Variants in VWA3B observed in about 807,000 individuals in gnomAD.
VWA3B encodes von Willebrand factor A domain-containing protein 3B.
A neutral mutation model predicts 158.3 loss-of-function variants in VWA3B; 138 were observed. The observed-to-expected ratio is 0.87, with a 90% CI of 0.76 to 1.00. VWA3B has a LOEUF of 1.00. VWA3B is among the 50% of genes least tolerant of loss of function. The pLI, the probability that VWA3B is intolerant of heterozygous loss-of-function variation, is 0.00. For missense variants in VWA3B, 1,555 were observed against 1,565.1 expected (o/e 0.99, Z 0.11); for synonymous variants, 596 against 587.3 (o/e 1.01, Z -0.21).
At chr2:98,198,852 C>G (rs557483374) in intron 12 of VWA3B, among the ~76,000 whole-genome samples, 2 of 152,010 alleles carry the variant, frequency 1.3e-5, no homozygotes, top group Non-Finnish European at 2.9e-5. Flanking sequence ...TTTGGGAGGC[C>G]GAGGCAGGCG....
chr2:98,228,140 A>T (rs1049705809), intron 14 of VWA3B, 62 bp from the exon 15 acceptor site: 3 of 1,509,416 alleles, frequency 2.0e-6, no homozygotes, highest in East Asian at 4.6e-5. Flanking sequence ...GAAAAGAAAC[A>T]TGTTTGGAAT....
At chr2:98,281,036 A>G (rs1195837301) in intron 22 of VWA3B, among the ~76,000 whole-genome samples, 6 of 152,202 alleles carry the variant, frequency 3.9e-5, no homozygotes, top group Non-Finnish European at 8.8e-5. Context: ...TTCGTTTGCC[A>G]TGGGCCACTC....
At chr2:98,155,056 T>C (rs1677943443) in intron 7 of VWA3B, among the ~76,000 whole-genome samples, 1 of 152,192 alleles carries the variant, frequency 6.6e-6, no homozygotes, top group African/African-American at 2.4e-5. Context: ...CACGGTTTAA[T>C]GAAGAAGACA....
intron 2 of VWA3B, among the ~76,000 whole-genome samples, chr2:98,103,071 G>A (rs1683196677): frequency 6.6e-6 from 1 of 152,108 alleles, no homozygotes; most frequent in Non-Finnish European, 1.5e-5. Flanking sequence ...GCCTTTTAAT[G>A]CATGTAGGAT....
intron 7 of VWA3B, among the ~76,000 whole-genome samples, chr2:98,149,172 G>A (rs1429239082): frequency 5.3e-5 from 8 of 152,198 alleles, no homozygotes. Context: ...AGCTGTATCA[G>A]CAGTTTGCTT....
intron 7 of VWA3B, among the ~76,000 whole-genome samples, chr2:98,143,850 A>G (rs1009859211): frequency 6.7e-6 from 1 of 149,756 alleles, no homozygotes; most frequent in Admixed American, 6.7e-5. Flanking sequence ...TCCTTTGCTC[A>G]AGCAATCCTC....
At chr2:98,314,401 G>A (rs1691044855), downstream of VWA3B, among the ~76,000 whole-genome samples, 1 of 152,166 alleles carries the variant, frequency 6.6e-6, no homozygotes, top group African/African-American at 2.4e-5. Context: ...ACACAGGGCT[G>A]GGAATATTTC....
chr2:98,279,499 C>T (rs1439861659), intron 22 of VWA3B, among the ~76,000 whole-genome samples: 3 of 152,146 alleles, frequency 2.0e-5, no homozygotes, highest in African/African-American at 7.2e-5. Flanking sequence ...AGGAAGAAAA[C>T]GGAGTGTAGA....
At chr2:98,291,864 C>T (rs568325677) in intron 23 of VWA3B, 2 of 151,768 alleles carry the variant, frequency 1.3e-5, no homozygotes, top group East Asian at 1.9e-4. Context: ...GACATAACCA[C>T]AGAAGTCATC....
chr2:98,182,187 C>G (rs901584757), intron 9 of VWA3B, among the ~76,000 whole-genome samples: 6 of 152,220 alleles, frequency 3.9e-5, no homozygotes, highest in Admixed American at 1.3e-4. Flanking sequence ...TCAAGGCCCC[C>G]CCCTCAAATG....
At chr2:98,310,121 TA>T (rs1374502369) in intron 26 of VWA3B, among the ~76,000 whole-genome samples, 1 of 152,228 alleles carries the variant, frequency 6.6e-6, no homozygotes. Context: ...GCTGAAAGTC[TA>T]AGACCCCCCA....
At chr2:98,092,814 T>TTGTATGTA (rs1244816104) in intron 1 of VWA3B, among the ~76,000 whole-genome samples, 2 of 84,964 alleles carry the variant, frequency 2.4e-5, no homozygotes, top group African/African-American at 4.4e-5. Context: ...CTAGATGTTT[T>TTGTATGTA]TGTATATATA....
In VWA3B at chr2:98,311,817, A is replaced by G. The variant is rs1182894922; in HGVS notation, c.3522-2A>G. 6.3e-7 allele frequency: 1 copy of G among 1,598,692 alleles called. No individual in the cohort carries two copies. ...GTAACCCTGATCTCTCTCTGTCTCTAGAGAGGATGTGGAGGCGAGGAACTC... is the reference window on the plus strand; with the variant it reads ...GTAACCCTGATCTCTCTCTGTCTCTGGAGAGGATGTGGAGGCGAGGAACTC... On this transcript the variant is annotated splice_acceptor_variant, in intron 26 of 27. Coordinates refer to ENST00000477737, the MANE Select transcript of VWA3B (RefSeq NM_144992.5). LOFTEE classifies it high-confidence loss of function.
chr2:98,312,392 C>G lies in VWA3B; in HGVS notation c.*43C>G, dbSNP rs745691715. 6 of 1,573,188 alleles carry G rather than the reference C, an allele frequency of 3.8e-6. No individual in the cohort carries two copies. The highest frequency in any genetic ancestry group is 5.2e-6 in the Non-Finnish European group (6 of 1,158,720). On this transcript the variant is annotated 3_prime_UTR_variant, in exon 28 of 28. Transcript: ENST00000477737. ...TATGTTTAAGAGACCAGCGTCCTTC[C>G]AGGCTGTTCAGACCTCAGCGTTGAC...
chr2:98,290,562 G>A lies in VWA3B; in HGVS notation c.3097G>A (p.Asp1033Asn), dbSNP rs1689428670. ...PTKKTKSKRPDPLKGQKVIAR... is the reference protein window; with the variant it reads ...PTKKTKSKRPNPLKGQKVIAR... Reference sequence around the variant, plus strand: ...AAAGAAAACCAAATCAAAAAGACCAGATCCCCTCAAAGGACAGAAGGTTAT... The same window carrying A: ...AAAGAAAACCAAATCAAAAAGACCAAATCCCCTCAAAGGACAGAAGGTTAT... Residue 1033 changes from aspartate to asparagine, a missense_variant, in exon 23 of 28, where the codon GAT becomes AAT. Coordinates refer to ENST00000477737, the MANE Select transcript of VWA3B (RefSeq NM_144992.5). 1.3e-6 allele frequency: 2 copies of A among 1,590,056 alleles called. No homozygotes were observed. The highest frequency in any genetic ancestry group is 2.7e-5 in the African/African-American group (2 of 72,824).
chr2:98,171,079 G>C (rs1300369774), intron 8 of VWA3B, among the ~76,000 whole-genome samples: 2 of 152,210 alleles, frequency 1.3e-5, no homozygotes, highest in East Asian at 3.8e-4. Flanking sequence ...CTAGAAATGT[G>C]CTGTCACATA....
At chr2:98,274,710 G>T (rs2105899178) in intron 22 of VWA3B, among the ~76,000 whole-genome samples, 1 of 152,296 alleles carries the variant, frequency 6.6e-6, no homozygotes, top group South Asian at 2.1e-4. Context: ...GCAAGTCAAG[G>T]ACATTCACGG....
In VWA3B at chr2:98,270,759, C is replaced by A. The variant is rs1471926898; in HGVS notation, c.2921C>A (p.Pro974His). The change falls in exon 22 of 28, where the codon CCC becomes CAC. Residue 974 changes from proline to histidine, a missense_variant. Pro to His is a moderately conservative substitution (Grantham distance 77). Coordinates refer to ENST00000477737, the MANE Select transcript of VWA3B (RefSeq NM_144992.5). ...CAGGCTTTAGAACGGTTGAATTGGC[C>A]CATTTCACTGAAAGAGCTGTCGATG... is the stretch of plus-strand genomic sequence containing the variant. ...LNQALERLNW[P>H]ISLKELSMLE... 6.2e-7 allele frequency: 1 copy of A among 1,614,094 alleles called. No individual in the cohort carries two copies. The highest frequency in any genetic ancestry group is 1.1e-5 in the South Asian group (1 of 91,074).
At chr2:98,151,836 T>C (rs759244859) in intron 7 of VWA3B, among the ~76,000 whole-genome samples, 1 of 152,216 alleles carries the variant, frequency 6.6e-6, no homozygotes, top group Non-Finnish European at 1.5e-5. Context: ...TAGCACAAAA[T>C]TGACATTCCA....
Sources: allele counts gnomAD v4.1 joint callset (sites outside exome capture counted in the v4.1 genomes callset), GRCh38; gene constraint gnomAD v4.1.1; transcripts MANE v1.5; gene names NCBI Gene and HGNC (gene_info 2026-07-23, HGNC 2026-07-21).